The following CMKLR2 variants were observed in gnomAD, a reference collection of about 807,000 sequenced individuals.
CMKLR2 encodes the protein chemerin-like receptor 2.
Under a neutral mutation model 23.0 loss-of-function variants are expected in CMKLR2, and 18 were observed. The ratio of observed to expected loss-of-function variants is 0.78; its 90% confidence interval spans 0.54 to 1.16. The LOEUF (loss-of-function observed/expected upper bound fraction) is 1.16. Ranked by LOEUF, CMKLR2 falls within the 50% of genes most tolerant of loss-of-function variation. The pLI is 0.00. For missense variants in CMKLR2, 401 were observed against 412.7 expected, an observed-to-expected ratio of 0.97 and a Z score of 0.25; for synonymous variants, 158 against 158.9, an observed-to-expected ratio of 0.99 and a Z score of 0.05.
chr2:206,202,459 G>GT (rs1238958775), intron 1 of CMKLR2, among the ~76,000 whole-genome samples: 1 of 152,138 alleles, frequency 6.6e-6, no homozygotes, highest in Non-Finnish European at 1.5e-5. Context: ...TTTTGTGTGT[G>GT]TTTTTTCCCT....
At chr2:206,193,808 A>C (rs550707559) in intron 1 of CMKLR2, among the ~76,000 whole-genome samples, 1 of 152,336 alleles carries the variant, frequency 6.6e-6, no homozygotes, top group South Asian at 2.1e-4. Context: ...TCTGCAGGCC[A>C]AGATAGCCTT....
At chr2:206,180,816 A>G (rs10932146) in intron 1 of CMKLR2, among the ~76,000 whole-genome samples, 147,590 of 149,508 alleles carry the variant, frequency 0.99, 72,847 homozygotes, top group East Asian at 1. Flanking sequence ...GTGCAGTGGT[A>G]CAATCTCGTC....
At chr2:206,180,812 T>C (rs1163509042) in intron 1 of CMKLR2, among the ~76,000 whole-genome samples, 1 of 149,750 alleles carries the variant, frequency 6.7e-6, no homozygotes, top group East Asian at 1.9e-4. Context: ...TGGAGTGCAG[T>C]GGTACAATCT....
chr2:206,207,728 C>CTATTTTTTTTTT (rs1689382428), intron 1 of CMKLR2, among the ~76,000 whole-genome samples: 1 of 43,582 alleles, frequency 2.3e-5, no homozygotes, highest in Non-Finnish European at 3.7e-5. Flanking sequence ...ACCTCAGGGC[C>CTATTTTTTTTTT]TTTTTTTTTT....
At chr2:206,217,619 G>A (rs1689796521), upstream of CMKLR2, 3 of 152,196 alleles carry the variant, frequency 2.0e-5, no homozygotes, top group Admixed American at 2.0e-4. Flanking sequence ...ATTACCTGTA[G>A]AAATGTGGGG....
intron 1 of CMKLR2, among the ~76,000 whole-genome samples, chr2:206,178,142 G>A (rs1278342457): frequency 1.3e-5 from 2 of 152,136 alleles, no homozygotes; most frequent in African/African-American, 4.8e-5. Flanking sequence ...GGCTCATGCT[G>A]TAGTCCCAAC....
At chr2:206,211,764 T>TAA (rs1479309433) in intron 1 of CMKLR2, among the ~76,000 whole-genome samples, 3 of 122,360 alleles carry the variant, frequency 2.5e-5, no homozygotes, top group Non-Finnish European at 3.5e-5. Flanking sequence ...ACACACACAT[T>TAA]AAAAAAAGAA....
At chr2:206,178,308 G>T (rs1688296395) in intron 1 of CMKLR2, among the ~76,000 whole-genome samples, 1 of 152,090 alleles carries the variant, frequency 6.6e-6, no homozygotes, top group Non-Finnish European at 1.5e-5. Context: ...TTGTTGCCCT[G>T]ACTTCTTAAA....
chr2:206,183,734 GA>G (rs1576039338), intron 1 of CMKLR2, among the ~76,000 whole-genome samples: 1 of 152,162 alleles, frequency 6.6e-6, no homozygotes, highest in East Asian at 1.9e-4. Context: ...ATAGAGTGGA[GA>G]AAAGAGAAAC....
chr2:206,186,974 G>A (rs964022881), intron 1 of CMKLR2, among the ~76,000 whole-genome samples: 2 of 151,990 alleles, frequency 1.3e-5, no homozygotes, highest in Admixed American at 1.3e-4. Context: ...GACTGCTTGA[G>A]CCCAGGAGTT....
At chr2:206,192,623 AC>A (rs1688790811) in intron 1 of CMKLR2, among the ~76,000 whole-genome samples, 1 of 150,410 alleles carries the variant, frequency 6.6e-6, no homozygotes. Context: ...ATGCTCTACC[AC>A]TTTTTTTTTT....
chr2:206,212,913 G>A (rs558385593), intron 1 of CMKLR2, among the ~76,000 whole-genome samples: 14 of 152,236 alleles, frequency 9.2e-5, no homozygotes, highest in South Asian at 6.2e-4. Flanking sequence ...TTTCTCAACA[G>A]TGAGCCTTCC....
rs1396971530 is a variant in CMKLR2, at chr2:206,176,152, A to G, written c.*28T>C. 1 of 1,508,588 alleles carries G rather than the reference A, an allele frequency of 6.6e-7. No homozygotes were observed. The highest frequency in any genetic ancestry group is 9.0e-7 in the Non-Finnish European group (1 of 1,107,616). The allele number at this position is 1,508,588 out of a possible 1,614,324, so 93.5% of individuals were successfully genotyped here. A position where few individuals can be genotyped will look rare whatever the true frequency, so the allele number is the denominator to read the frequency against. ...AGTCAGAGGACCCACATAAAAAGCC[A>G]TATACTGATTTGTGGAAAAGTAATA... On this transcript the variant is annotated 3_prime_UTR_variant, in exon 2 of 2. Coordinates refer to ENST00000621141, the MANE Select transcript of CMKLR2 (RefSeq NM_001389445.1).
chr2:206,206,470 T>C (rs1050587655), intron 1 of CMKLR2, among the ~76,000 whole-genome samples: 4 of 152,244 alleles, frequency 2.6e-5, no homozygotes, highest in Non-Finnish European at 5.9e-5. Context: ...CTAAACTTGC[T>C]GGTGGTTTTG....
rs544175972 is a variant in CMKLR2, at chr2:206,213,075, G to A, written c.-29+232C>T. On this transcript the variant is annotated intron_variant, in intron 1 of 1. Transcript: ENST00000621141. ...CATTTTCTCTCTTGCAGTGTTTTAG[G>A]ATTAATCAGCAGCTGTAGCGAACCC... is the stretch of plus-strand genomic sequence containing the variant. Among the ~76,000 whole-genome samples, 4 of 152,272 alleles carry A rather than the reference G, an allele frequency of 2.6e-5. No individual in the cohort carries two copies. In the East Asian group the frequency reaches 7.7e-4, roughly 29 times the overall value.
chr2:206,200,888 T>G (rs1383723942), intron 1 of CMKLR2, among the ~76,000 whole-genome samples: 1 of 152,238 alleles, frequency 6.6e-6, no homozygotes, highest in Non-Finnish European at 1.5e-5. Context: ...ATCACAGATT[T>G]TCTCTAACAA....
chr2:206,198,942 A>C (rs1689002990), intron 1 of CMKLR2, among the ~76,000 whole-genome samples: 1 of 152,230 alleles, frequency 6.6e-6, no homozygotes, highest in Admixed American at 6.5e-5. Flanking sequence ...GGTTATAAAC[A>C]TCAGCAGTGC....
Position 206,188,840 on chromosome 2 carries a change from CTT to C in CMKLR2, c.-28-11567_-28-11566del, listed in dbSNP as rs1688662765. On this transcript the variant is annotated intron_variant, in intron 1 of 1. Coordinates refer to ENST00000621141, the MANE Select transcript of CMKLR2 (RefSeq NM_001389445.1). ...TGTAATAGATGGCAAAGCTGAAACT[CTT>C]TTCTGAATAAATAAATTTTACTGCA... Among the ~76,000 whole-genome samples the C allele has an allele frequency of 2.6e-5, 4 of 152,224 alleles. No individual in the cohort carries two copies. The South Asian group carries it at 8.3e-4, about 32-fold the overall frequency.
intron 1 of CMKLR2, among the ~76,000 whole-genome samples, chr2:206,210,008 G>T (rs11885374): frequency 6.9e-6 from 1 of 145,810 alleles, no homozygotes; most frequent in Admixed American, 7.1e-5. Flanking sequence ...CTGTCACCCA[G>T]ACTGGAGGGC....
Sources: gnomAD v4.1 joint callset for allele counts (sites outside exome capture counted in the v4.1 genomes callset) on GRCh38, gnomAD v4.1.1 for gene constraint, MANE v1.5 for transcripts, NCBI Gene and HGNC (gene_info 2026-07-23, HGNC 2026-07-21) for gene names.